Variants in LRRTM4 observed in about 807,000 individuals in gnomAD.
LRRTM4 encodes the protein leucine rich repeat transmembrane neuronal 4, also known as leucine-rich repeat transmembrane neuronal protein 4.
In LRRTM4, 25 loss-of-function variants were observed where a neutral mutation model predicts 47.6. The observed-to-expected ratio is 0.53, with a 90% CI of 0.38 to 0.73. The LOEUF (loss-of-function observed/expected upper bound fraction) is 0.73, where lower values mean the gene tolerates loss of function less well. Ranked by LOEUF, LRRTM4 falls within the 30% of genes least tolerant of loss-of-function variation. The pLI is 0.00. For missense variants in LRRTM4, 638 were observed against 713.4 expected (o/e 0.89, Z 1.20); for synonymous variants, 311 against 269.5 (o/e 1.15, Z -1.51).
chr2:77,257,239 G>T (rs13432482), intron 3 of LRRTM4, among the ~76,000 whole-genome samples: 8,785 of 151,870 alleles, frequency 0.058, 910 homozygotes, highest in African/African-American at 0.2. Flanking sequence ...TGGGAATAAG[G>T]CAAGGCTATC....
At chr2:77,436,740 T>C (rs1675615140) in intron 3 of LRRTM4, among the ~76,000 whole-genome samples, 1 of 151,860 alleles carries the variant, frequency 6.6e-6, no homozygotes, top group Non-Finnish European at 1.5e-5. Flanking sequence ...CTGCTTTTAG[T>C]TCTATAATGA....
chr2:76,767,627 G>T (rs953863351), intron 3 of LRRTM4, among the ~76,000 whole-genome samples: 1 of 152,062 alleles, frequency 6.6e-6, no homozygotes, highest in Non-Finnish European at 1.5e-5. Flanking sequence ...AGATTTTCAG[G>T]GTAGCATTCA....
chr2:77,132,071 TCTG>T (rs1281573630), intron 3 of LRRTM4, among the ~76,000 whole-genome samples: 1 of 152,222 alleles, frequency 6.6e-6, no homozygotes, highest in African/African-American at 2.4e-5. Flanking sequence ...GTCATCTTGC[TCTG>T]CTATCAAAAA....
intron 3 of LRRTM4, among the ~76,000 whole-genome samples, chr2:77,119,250 T>C (rs1671465457): frequency 6.6e-6 from 1 of 151,902 alleles, no homozygotes; most frequent in South Asian, 2.1e-4. Context: ...TCTACTTTCT[T>C]CCTTTTCCTT....
At chr2:77,030,866 A>C (rs1678628068) in intron 3 of LRRTM4, among the ~76,000 whole-genome samples, 1 of 152,208 alleles carries the variant, frequency 6.6e-6, no homozygotes, top group Non-Finnish European at 1.5e-5. Flanking sequence ...AATATTTTGA[A>C]GTAACTGTTC....
At chr2:77,325,449 C>T (rs1193720314) in intron 3 of LRRTM4, among the ~76,000 whole-genome samples, 1 of 152,022 alleles carries the variant, frequency 6.6e-6, no homozygotes, top group African/African-American at 2.4e-5. Flanking sequence ...CTATATAGGG[C>T]TCTGGATTTC....
chr2:76,889,666 G>A (rs1573262691), intron 3 of LRRTM4, among the ~76,000 whole-genome samples: 1 of 151,964 alleles, frequency 6.6e-6, no homozygotes, highest in East Asian at 1.9e-4. Flanking sequence ...AGAAGAAGGA[G>A]GACAAAATGA....
intron 3 of LRRTM4, among the ~76,000 whole-genome samples, chr2:76,788,544 G>A (rs1307732538): frequency 6.6e-6 from 1 of 152,158 alleles, no homozygotes; most frequent in East Asian, 1.9e-4. Context: ...TGAGATTAAT[G>A]ATAGCCAAGG....
chr2:77,063,509 CTTTTTTT>C (rs1679859783), intron 3 of LRRTM4, among the ~76,000 whole-genome samples: 2 of 151,996 alleles, frequency 1.3e-5, no homozygotes, highest in African/African-American at 4.8e-5. Flanking sequence ...AAAAATAGAG[CTTTTTTT>C]AATGATATCA....
At chr2:76,823,597 T>C (rs1317970224) in intron 3 of LRRTM4, among the ~76,000 whole-genome samples, 1 of 150,924 alleles carries the variant, frequency 6.6e-6, no homozygotes, top group Admixed American at 6.6e-5. Context: ...ATCACAGCAT[T>C]ATATGTAATA....
intron 3 of LRRTM4, among the ~76,000 whole-genome samples, chr2:76,898,553 C>CAAAAA (rs56345618): frequency 1.4e-4 from 9 of 63,536 alleles, no homozygotes; most frequent in East Asian, 5.3e-4. Context: ...AGCTCCGTCT[C>CAAAAA]AAAAAAAAAA....
chr2:77,130,886 G>A (rs1292708946), intron 3 of LRRTM4, among the ~76,000 whole-genome samples: 1 of 113,082 alleles, frequency 8.8e-6, no homozygotes, highest in African/African-American at 3.5e-5. Flanking sequence ...CCAGGCTGGA[G>A]TGCAGTGGCG....
intron 3 of LRRTM4, among the ~76,000 whole-genome samples, chr2:77,083,170 A>G (rs910294986): frequency 1.3e-5 from 2 of 152,180 alleles, no homozygotes; most frequent in South Asian, 4.1e-4. Flanking sequence ...TCCATAAAAC[A>G]ATTGCAGCAT....
intron 3 of LRRTM4, among the ~76,000 whole-genome samples, chr2:77,114,001 A>C (rs1671322369): frequency 6.6e-6 from 1 of 152,148 alleles, no homozygotes; most frequent in African/African-American, 2.4e-5. Flanking sequence ...AAGTCACCAG[A>C]ATTAGATATT....
intron 3 of LRRTM4, among the ~76,000 whole-genome samples, chr2:76,911,165 A>G (rs1039790388): frequency 6.6e-6 from 1 of 152,234 alleles, no homozygotes; most frequent in Non-Finnish European, 1.5e-5. Context: ...TCTCGAAAGC[A>G]TGGAATAAGG....
intron 3 of LRRTM4, among the ~76,000 whole-genome samples, chr2:76,895,301 T>C (rs1673376239): frequency 1.3e-5 from 2 of 152,096 alleles, no homozygotes; most frequent in Non-Finnish European, 2.9e-5. Flanking sequence ...AGTTCTTTAC[T>C]AGTGAGTGTA....
chr2:76,926,331 C>T (rs1230632261), intron 3 of LRRTM4, among the ~76,000 whole-genome samples: 1 of 152,002 alleles, frequency 6.6e-6, no homozygotes, highest in Non-Finnish European at 1.5e-5. Context: ...ACACCACTGC[C>T]AATCAACAAT....
At chr2:77,269,310 G>C (rs1676131133) in intron 3 of LRRTM4, among the ~76,000 whole-genome samples, 1 of 152,064 alleles carries the variant, frequency 6.6e-6, no homozygotes, top group South Asian at 2.1e-4. Flanking sequence ...AGGAGGGCCT[G>C]GAGCTGGTTA....
intron 3 of LRRTM4, among the ~76,000 whole-genome samples, chr2:77,061,492 G>A (rs1030037001): frequency 1.4e-4 from 21 of 152,098 alleles, no homozygotes; most frequent in Admixed American, 3.9e-4. Flanking sequence ...TGAGATCAGC[G>A]CTGCTTTAGC....
Sources: allele counts gnomAD v4.1 joint callset (sites outside exome capture counted in the v4.1 genomes callset), GRCh38; gene constraint gnomAD v4.1.1; transcripts MANE v1.5; gene names NCBI Gene and HGNC (gene_info 2026-07-23, HGNC 2026-07-21).